The following MCF2L variants were observed in gnomAD, a reference collection of about 807,000 sequenced individuals.
The protein encoded by MCF2L is guanine nucleotide exchange factor DBS.
A neutral mutation model predicts 153.4 loss-of-function variants in MCF2L; 97 were observed. The observed-to-expected ratio is 0.63, with a 90% CI of 0.54 to 0.75. The LOEUF is 0.75. Among genes scored for constraint, MCF2L ranks in the 30% least tolerant of loss-of-function variants. The probability of loss-of-function intolerance (pLI) is 0.00; values close to 1 mark genes in which losing one functional copy is unlikely to be tolerated. For missense variants in MCF2L, 1,347 were observed against 1,495.2 expected (o/e 0.90, Z 1.64); for synonymous variants, 659 against 632.2 (o/e 1.04, Z -0.64).
rs771601544 is a variant in MCF2L at position 113,045,241 on chromosome 13, A to G, written c.279-30A>G. On this transcript the variant is annotated intron_variant, in intron 3 of 29. Transcript: ENST00000535094. This position sits in a 1 kb window ranked among gnomAD's most constrained non-coding sequence, Gnocchi z 4.2. The stretch of plus-strand genomic sequence containing the variant: ...GGCAGCCGGCTTCCCACCTGCACAC[A>G]TTAACGGCGGCGTCTCTTCCTCACT... 3.8e-6 allele frequency: 6 copies of G among 1,580,272 alleles called. No homozygotes were observed. In the South Asian group the frequency reaches 4.4e-5, roughly 12 times the overall value.
Position 113,027,932 on chromosome 13 carries a change from T to C in MCF2L, c.278+3174T>C, listed in dbSNP as rs2993309. Among the ~76,000 whole-genome samples the C allele has an allele frequency of 0.25, 37,836 of 152,068 alleles. 5,334 individuals are homozygous for C. The highest frequency in any genetic ancestry group is 0.39 in the East Asian group (2,000 of 5,156). On this transcript the variant is annotated intron_variant, in intron 3 of 29. Coordinates refer to ENST00000535094, the MANE Select transcript of MCF2L (RefSeq NM_001112732.3). The surrounding 1 kb of genome is among the most constrained non-coding windows in gnomAD (Gnocchi z 4.8). ...GGTCATCTCCAAGCCTCCAGGCCTT[T>C]GTCTGTCACCTGCACAGGAGGAAGG...
chr13:113,089,169 G>C (rs74364791), intron 25 of MCF2L, among the ~76,000 whole-genome samples: 3,673 of 65,624 alleles, frequency 0.056, 8 homozygotes, highest in Admixed American at 0.061. Flanking sequence ...ACACTCCCCC[G>C]CCCCCCCCCC....
upstream of MCF2L, among the ~76,000 whole-genome samples, chr13:112,968,152 G>GGT (rs2140791731): frequency 1.4e-5 from 2 of 140,646 alleles, no homozygotes; most frequent in Non-Finnish European, 3.2e-5. Context: ...TGGGGGGGGG[G>GGT]GTCTTGCTAC....
intron 1 of MCF2L, among the ~76,000 whole-genome samples, chr13:112,987,767 G>A (rs1475881734): frequency 6.6e-6 from 1 of 152,252 alleles, no homozygotes; most frequent in African/African-American, 2.4e-5. Flanking sequence ...TGTCTGGAAA[G>A]TGTGAAGTCT....
intron 1 of MCF2L, among the ~76,000 whole-genome samples, chr13:112,895,542 C>T (rs1019926569): frequency 2.9e-4 from 44 of 152,202 alleles, no homozygotes; most frequent in African/African-American, 9.9e-4. Flanking sequence ...TCCTAACATG[C>T]GAACTGTGGA....
At chr13:112,917,515 C>G (rs925978606) in intron 2 of MCF2L, 4 of 297,750 alleles carry the variant, frequency 1.3e-5, no homozygotes, top group Non-Finnish European at 2.6e-5. Flanking sequence ...CAAGCGGTGA[C>G]CTCTCGAAGG....
intron 2 of MCF2L, among the ~76,000 whole-genome samples, chr13:112,940,602 C>T (rs34598032): frequency 0.17 from 25,731 of 152,244 alleles, 2,341 homozygotes; most frequent in African/African-American, 0.23. Flanking sequence ...ACCTCGTGTG[C>T]CAACACTTGA....
At chr13:113,055,185 T>C (rs1594854111) in intron 4 of MCF2L, among the ~76,000 whole-genome samples, 1 of 152,154 alleles carries the variant, frequency 6.6e-6, no homozygotes, top group East Asian at 1.9e-4. Flanking sequence ...TCAGCTAGGA[T>C]CTTCCAATTT....
chr13:113,089,476 AC>A, intron 25 of MCF2L, 133 bp from the exon 26 acceptor site: 1 of 605,646 alleles, frequency 1.7e-6, no homozygotes, highest in Non-Finnish European at 3.0e-6. Flanking sequence ...TAACTTAGAA[AC>A]ACGTGCAGGA....
chr13:113,064,637 C>CAAA lies in MCF2L; in HGVS notation c.606+217_606+218insAAA. The CAAA allele has an allele frequency of 6.0e-6, 3 of 500,442 alleles. No individual in the cohort carries two copies. The highest frequency in any genetic ancestry group is 3.4e-5 in the Admixed American group (1 of 29,050). The allele number at this position is 500,442 out of a possible 1,614,324, so 31.0% of individuals were successfully genotyped here. On this transcript the variant is annotated intron_variant, in intron 6 of 29. Transcript: ENST00000535094. This position sits in a 1 kb window ranked among gnomAD's most constrained non-coding sequence, Gnocchi z 6.0. ...GAGTGGCTTTCTCTGGGCTTGGAGA[C>CAAA]CAAAAAAAAAAAAAAAACCCTTGCG... is the stretch of plus-strand genomic sequence containing the variant.
intron 1 of MCF2L, among the ~76,000 whole-genome samples, chr13:112,981,119 C>T (rs1173483138): frequency 1.3e-5 from 2 of 151,238 alleles, no homozygotes; most frequent in Admixed American, 6.6e-5. Context: ...ACTGGGGACC[C>T]CAAGACGTCC....
chr13:112,902,195 G>A, intron 1 of MCF2L: 1 of 1,610,112 alleles, frequency 6.2e-7, no homozygotes. Flanking sequence ...TCTTTTTTCT[G>A]CAGCCTCATG....
chr13:112,975,775 G>C (rs2082192373), intron 1 of MCF2L, among the ~76,000 whole-genome samples: 1 of 152,242 alleles, frequency 6.6e-6, no homozygotes, highest in South Asian at 2.1e-4. Flanking sequence ...GGTTCTGAGA[G>C]GAAGGGTCTG....
At chr13:113,075,481 G>A (rs1430881657) in intron 11 of MCF2L, among the ~76,000 whole-genome samples, 2 of 150,820 alleles carry the variant, frequency 1.3e-5, no homozygotes, top group East Asian at 2.0e-4. Flanking sequence ...GCATGCCACC[G>A]TACCCAGCTA....
intron 7 of MCF2L, 81 bp downstream of exon 7, chr13:113,065,166 C>CG (rs753233384): frequency 1.3e-6 from 2 of 1,536,594 alleles, no homozygotes; most frequent in East Asian, 2.3e-5. Context: ...TCGGAAGCTG[C>CG]GGGGGGTCTT....
chr13:112,935,961 G>T (rs895449017), intron 2 of MCF2L, among the ~76,000 whole-genome samples: 1 of 152,144 alleles, frequency 6.6e-6, no homozygotes, highest in African/African-American at 2.4e-5. Context: ...GCCTGGAACC[G>T]ATCCTTCCCT....
chr13:113,024,596 G>T, intron 2 of MCF2L, 48 bp from the exon 3 acceptor site: 3 of 1,285,154 alleles, frequency 2.3e-6, no homozygotes, highest in Non-Finnish European at 2.3e-6. Flanking sequence ...TGGAACCCCC[G>T]GGGGCATGGA....
At chr13:112,919,518 T>C (rs2081332665) in intron 2 of MCF2L, among the ~76,000 whole-genome samples, 1 of 152,190 alleles carries the variant, frequency 6.6e-6, no homozygotes, top group Admixed American at 6.5e-5. Flanking sequence ...ATTTGCAATT[T>C]TTATAATATT....
At chr13:113,030,793 C>T (rs1317379753) in intron 3 of MCF2L, among the ~76,000 whole-genome samples, 3 of 152,192 alleles carry the variant, frequency 2.0e-5, no homozygotes, top group Non-Finnish European at 4.4e-5. Context: ...CAGCGACAAG[C>T]AGATTCCAGA....
Sources: gnomAD v4.1 joint callset for allele counts (sites outside exome capture counted in the v4.1 genomes callset) on GRCh38, gnomAD v4.1.1 for gene constraint, Gnocchi (gnomAD v3.1) non-coding constraint, MANE v1.5 for transcripts, NCBI Gene and HGNC (gene_info 2026-07-23, HGNC 2026-07-21) for gene names.